Variants in ELMOD1 observed in about 807,000 individuals in gnomAD.
The protein encoded by ELMOD1 is ELMO domain containing 1.
Under a neutral mutation model 46.7 loss-of-function variants are expected in ELMOD1, and 21 were observed. That is an observed-to-expected ratio of 0.45 (90% CI 0.32 to 0.65). The LOEUF is 0.65. ELMOD1 is among the 30% of genes least tolerant of loss of function. The pLI, the probability that ELMOD1 is intolerant of heterozygous loss-of-function variation, is 0.04. For missense variants in ELMOD1, 348 were observed against 407.8 expected (o/e 0.85, Z 1.26); for synonymous variants, 122 against 138.2 (o/e 0.88, Z 0.82).
At position 107,635,846 on chromosome 11, in the gene ELMOD1, C is replaced by T. The variant is rs572733694; in HGVS notation, c.420+81C>T. On this transcript the variant is annotated intron_variant, in intron 6 of 11. Coordinates refer to ENST00000265840, the MANE Select transcript of ELMOD1 (RefSeq NM_018712.4). Reference sequence around the variant, plus strand: ...CACCTGCTATGTGCTAGGCGCTGCTCTGGACATCAGGGGTACAAAGATGGA... The same window carrying T: ...CACCTGCTATGTGCTAGGCGCTGCTTTGGACATCAGGGGTACAAAGATGGA... 1.3e-5 allele frequency: 19 copies of T among 1,430,722 alleles called. No individual in the cohort carries two copies. In the South Asian group the frequency reaches 2.5e-4, roughly 19 times the overall value. The allele number at this position is 1,430,722 out of a possible 1,614,324, so 88.6% of individuals were successfully genotyped here.
At chr11:107,609,709 A>G (rs1865744296) in intron 1 of ELMOD1, among the ~76,000 whole-genome samples, 1 of 151,560 alleles carries the variant, frequency 6.6e-6, no homozygotes. Context: ...GCTGGAAAAG[A>G]AAAAAAGACA....
chr11:107,651,026 C>A (rs1866516691), intron 9 of ELMOD1, 118 bp downstream of exon 9: 1 of 579,910 alleles, frequency 1.7e-6, no homozygotes, highest in Non-Finnish European at 2.6e-6. Context: ...CATTTTCAAA[C>A]CTTTAATCTA....
intron 1 of ELMOD1, among the ~76,000 whole-genome samples, chr11:107,615,986 T>A (rs1020929726): frequency 0.016 from 15 of 910 alleles, no homozygotes; most frequent in Non-Finnish European, 0.038. Flanking sequence ...AGGTTTTTCC[T>A]TTTTTTTTTT....
chr11:107,664,994 T>G, intron 11 of ELMOD1, 31 bp from the exon 12 acceptor site: 1 of 1,580,958 alleles, frequency 6.3e-7, no homozygotes, highest in Middle Eastern at 1.7e-4. Flanking sequence ...TTTTTTCTCC[T>G]GCATTCTTAT....
chr11:107,638,623 T>G (rs1365850606), intron 6 of ELMOD1, among the ~76,000 whole-genome samples: 1 of 151,800 alleles, frequency 6.6e-6, no homozygotes, highest in Admixed American at 6.6e-5. Context: ...AATAATACCC[T>G]TGTTACCTAC....
At chr11:107,615,750 T>C (rs1177353673) in intron 1 of ELMOD1, among the ~76,000 whole-genome samples, 1 of 152,094 alleles carries the variant, frequency 6.6e-6, no homozygotes, top group African/African-American at 2.4e-5. Flanking sequence ...TTTCTTAGAC[T>C]TTCCTTGTTT....
chr11:107,619,088 A>G (rs1283977063), intron 2 of ELMOD1, among the ~76,000 whole-genome samples: 2 of 152,142 alleles, frequency 1.3e-5, no homozygotes, highest in East Asian at 3.9e-4. Flanking sequence ...GATTCCTACA[A>G]TGGCCATAAT....
At position 107,632,486 on chromosome 11, in the gene ELMOD1, C is replaced by T. The variant is rs542044705; in HGVS notation, c.290+809C>T. ...TCAGAGCACACTTGCGTAGGTCTAT[C>T]TCTTGGAAGGATTTTGGATACTAGC... On this transcript the variant is annotated intron_variant, in intron 5 of 11. Coordinates refer to ENST00000265840, the MANE Select transcript of ELMOD1 (RefSeq NM_018712.4). Among the ~76,000 whole-genome samples, 6 of 152,262 alleles carry T rather than the reference C, an allele frequency of 3.9e-5. No individual in the cohort carries two copies. In the East Asian group the frequency reaches 1.2e-3, roughly 29 times the overall value.
chr11:107,607,892 T>A (rs1405292202), intron 1 of ELMOD1, among the ~76,000 whole-genome samples: 2 of 152,068 alleles, frequency 1.3e-5, no homozygotes, highest in Admixed American at 1.3e-4. Context: ...TGGCAAATAA[T>A]TTAGATATTA....
chr11:107,596,175 CCTTT>C, intron 1 of ELMOD1, among the ~76,000 whole-genome samples: 1 of 151,952 alleles, frequency 6.6e-6, no homozygotes, highest in East Asian at 1.9e-4. Flanking sequence ...TTATAACTCT[CCTTT>C]CTATTTTTTA....
chr11:107,607,640 G>A (rs1227719425), intron 1 of ELMOD1, among the ~76,000 whole-genome samples: 1 of 151,794 alleles, frequency 6.6e-6, no homozygotes, highest in Non-Finnish European at 1.5e-5. Flanking sequence ...CTGGGCGCCA[G>A]AGTGAGAACC....
At chr11:107,662,432 G>A (rs1866756263) in intron 11 of ELMOD1, among the ~76,000 whole-genome samples, 1 of 152,130 alleles carries the variant, frequency 6.6e-6, no homozygotes, top group African/African-American at 2.4e-5. Context: ...CCAACATGGA[G>A]AAACCCTGTC....
chr11:107,605,930 C>T (rs893243358), intron 1 of ELMOD1, among the ~76,000 whole-genome samples: 1 of 152,132 alleles, frequency 6.6e-6, no homozygotes, highest in African/African-American at 2.4e-5. Flanking sequence ...GGTAATTTTT[C>T]GTGTCGCTTC....
chr11:107,636,272 C>G (rs561279886), intron 6 of ELMOD1, among the ~76,000 whole-genome samples: 1 of 152,322 alleles, frequency 6.6e-6, no homozygotes, highest in South Asian at 2.1e-4. Flanking sequence ...CACACTAGAA[C>G]TTCTGGAGAA....
rs903239251 is a variant in ELMOD1 at position 107,618,127 on chromosome 11, C to A, written c.-63C>A. ...CAGTTGACACTTACTTTGACAAAGG[C>A]AAATTTGGAAGCAATTACTTGAGGA... On this transcript the variant is annotated 5_prime_UTR_variant, in exon 2 of 12. Coordinates refer to ENST00000265840, the MANE Select transcript of ELMOD1 (RefSeq NM_018712.4). 2.6e-6 allele frequency: 4 copies of A among 1,539,478 alleles called. No individual in the cohort carries two copies. The highest frequency in any genetic ancestry group is 2.7e-5 in the African/African-American group (2 of 72,836).
Position 107,630,708 on chromosome 11 carries a change from C to G in ELMOD1, c.172C>G (p.Leu58Val). The G allele has an allele frequency of 6.2e-7, 1 of 1,607,826 alleles. No individual in the cohort carries two copies. The highest frequency in any genetic ancestry group is 8.5e-7 in the Non-Finnish European group (1 of 1,177,094). ...ASRTMKIETS[L>V]RDSKSKLLQT... ...TGTTGCTGCTTTCACAGAAACATCA[C>G]TGAGGGATTCTAAAAGTAAGGTAAG... The change falls in exon 4 of 12, where the codon CTG becomes GTG. Residue 58 changes from leucine to valine, a missense_variant. Coordinates refer to ENST00000265840, the MANE Select transcript of ELMOD1 (RefSeq NM_018712.4).
At position 107,594,287 on chromosome 11, in the gene ELMOD1, A is replaced by G. The variant is rs544149546; in HGVS notation, c.-86+2878A>G. Among the ~76,000 whole-genome samples the G allele has an allele frequency of 1.6e-3, 239 of 152,114 alleles. 2 individuals are homozygous for G. The highest frequency in any genetic ancestry group is 5.5e-3 in the African/African-American group (230 of 41,496). On this transcript the variant is annotated intron_variant, in intron 1 of 11. Transcript: ENST00000265840. ...TGGGCGAAAATGAGAAAAAAAAAAA[A>G]TCTCTGTGTTAATAGTTAGTAGAGT... is the stretch of plus-strand genomic sequence containing the variant.
chr11:107,605,443 C>T (rs376419128), intron 1 of ELMOD1, among the ~76,000 whole-genome samples: 21 of 152,214 alleles, frequency 1.4e-4, no homozygotes, highest in East Asian at 5.8e-4. Context: ...TCAAGTGATC[C>T]GCCCACCTCA....
chr11:107,646,981 TCTATCTAC>T (rs1252078326), intron 6 of ELMOD1, among the ~76,000 whole-genome samples: 2 of 136,332 alleles, frequency 1.5e-5, no homozygotes, highest in African/African-American at 5.8e-5. Context: ...TATCTATCTA[TCTATCTAC>T]CTATCTACCT....
Sources: gnomAD v4.1 joint callset for allele counts (sites outside exome capture counted in the v4.1 genomes callset) on GRCh38, gnomAD v4.1.1 for gene constraint, MANE v1.5 for transcripts, NCBI Gene and HGNC (gene_info 2026-07-23, HGNC 2026-07-21) for gene names.